Variants in TBXAS1 observed in about 807,000 individuals in gnomAD.
TBXAS1 encodes the protein thromboxane A synthase 1, also known as thromboxane-A synthase.
TBXAS1 carries 48 observed loss-of-function variants against 60.7 expected under a neutral mutation model. That is an observed-to-expected ratio of 0.79 (90% CI 0.63 to 1.01). The LOEUF (loss-of-function observed/expected upper bound fraction) is 1.01. Ranked by LOEUF, TBXAS1 falls within the 50% of genes least tolerant of loss-of-function variation. The probability of loss-of-function intolerance (pLI) is 0.00; values close to 1 mark genes in which losing one functional copy is unlikely to be tolerated. For synonymous variants in TBXAS1, 287 were observed against 269.7 expected (o/e 1.06, Z -0.63); for missense variants, 685 against 686.3 (o/e 1.00, Z 0.02).
In TBXAS1 at chr7:139,975,569, T is replaced by C. The variant is rs1386017306; in HGVS notation, c.1134+13336T>C. Among the ~76,000 whole-genome samples, 2 of 151,982 alleles carry C rather than the reference T, an allele frequency of 1.3e-5. No individual in the cohort carries two copies. The highest frequency in any genetic ancestry group is 1.3e-4 in the Admixed American group (2 of 15,254). On this transcript the variant is annotated intron_variant, in intron 9 of 12. Coordinates refer to ENST00000448866, the MANE Select transcript of TBXAS1 (RefSeq NM_001061.7). The surrounding 1 kb of genome is among the most constrained non-coding windows in gnomAD (Gnocchi z 4.4). ...TTGAAGCTGTGTCTGCACTGCATCT[T>C]CACAGCACTGAGAAAATGCCAGTCA...
chr7:139,843,903 T>C (rs574773034), intron 1 of TBXAS1, among the ~76,000 whole-genome samples: 1 of 152,348 alleles, frequency 6.6e-6, no homozygotes, highest in South Asian at 2.1e-4. Flanking sequence ...ACACTAGTGG[T>C]AGTGTGTTCT....
chr7:139,830,283 A>G (rs999023704), intron 1 of TBXAS1, among the ~76,000 whole-genome samples: 1 of 152,218 alleles, frequency 6.6e-6, no homozygotes, highest in African/African-American at 2.4e-5. Context: ...TGGAAAAAAT[A>G]ATGGAGGACT....
chr7:139,872,672 G>A (rs1801910909), intron 2 of TBXAS1, among the ~76,000 whole-genome samples: 2 of 152,054 alleles, frequency 1.3e-5, no homozygotes, highest in Admixed American at 1.3e-4. Context: ...AAAATAAAAT[G>A]AAATAAAATA....
intron 8 of TBXAS1, among the ~76,000 whole-genome samples, chr7:139,958,928 G>C (rs1219465306): frequency 6.6e-6 from 1 of 152,166 alleles, no homozygotes; most frequent in African/African-American, 2.4e-5. Context: ...AGTGAGGCTG[G>C]AGCCAGGGGG....
intron 1 of TBXAS1, among the ~76,000 whole-genome samples, chr7:139,860,691 C>T (rs1800899827): frequency 6.6e-6 from 1 of 152,178 alleles, no homozygotes; most frequent in Admixed American, 6.5e-5. Context: ...GGGACACCCC[C>T]TGCCATCTCC....
intron 4 of TBXAS1, among the ~76,000 whole-genome samples, chr7:139,921,526 C>A (rs553793520): frequency 1.3e-5 from 2 of 152,128 alleles, no homozygotes; most frequent in South Asian, 4.2e-4. Context: ...AAGTGAGACC[C>A]CTGTCTCTAC....
At chr7:139,838,264 T>C (rs1421972685) in intron 1 of TBXAS1, among the ~76,000 whole-genome samples, 1 of 152,188 alleles carries the variant, frequency 6.6e-6, no homozygotes, top group African/African-American at 2.4e-5. Context: ...AGGGAAGTGT[T>C]TTCTGTTTCC....
rs948461047 is a variant in TBXAS1 at position 139,814,300 on chromosome 7, G to A, written c.-79-15012G>A. ...CTCACCCTCTCACTCAGTTTTTCTG[G>A]GAAAATTAGCTGGCATGATACATTT... On this transcript the variant is annotated intron_variant, in intron 4 of 16. Coordinates refer to the TBXAS1 transcript ENST00000336425. Among the ~76,000 whole-genome samples, 6 of 152,264 alleles carry A rather than the reference G, an allele frequency of 3.9e-5. No individual in the cohort carries two copies. In the East Asian group the frequency reaches 1.2e-3, roughly 29 times the overall value.
intron 1 of TBXAS1, among the ~76,000 whole-genome samples, chr7:139,779,666 C>T (rs1016156548): frequency 1.3e-5 from 2 of 152,178 alleles, no homozygotes; most frequent in African/African-American, 2.4e-5. Context: ...CCCAGGTCAT[C>T]CTAAATATTG....
chr7:139,879,084 TACTC>T (rs1307876374), intron 3 of TBXAS1, among the ~76,000 whole-genome samples: 1 of 152,208 alleles, frequency 6.6e-6, no homozygotes, highest in East Asian at 1.9e-4. Flanking sequence ...ATTGACTCCT[TACTC>T]AATTCCCCTC....
intron 1 of TBXAS1, among the ~76,000 whole-genome samples, chr7:139,860,537 T>A (rs1429672995): frequency 6.6e-6 from 1 of 152,204 alleles, no homozygotes; most frequent in Non-Finnish European, 1.5e-5. Flanking sequence ...AGGGGTTAAG[T>A]ATTCTGGATT....
At chr7:139,832,655 T>A (rs1798784539) in intron 1 of TBXAS1, among the ~76,000 whole-genome samples, 1 of 152,192 alleles carries the variant, frequency 6.6e-6, no homozygotes, top group African/African-American at 2.4e-5. Flanking sequence ...AGGCACATTG[T>A]CATCAGGTTA....
At chr7:139,972,392 A>T (rs1811268917) in intron 9 of TBXAS1, among the ~76,000 whole-genome samples, 1 of 152,202 alleles carries the variant, frequency 6.6e-6, no homozygotes, top group African/African-American at 2.4e-5. Context: ...TCAGCTCCAC[A>T]GGTGAAGCTC....
intron 1 of TBXAS1, among the ~76,000 whole-genome samples, chr7:139,850,147 A>G (rs1051397640): frequency 6.6e-6 from 1 of 152,178 alleles, no homozygotes; most frequent in African/African-American, 2.4e-5. Context: ...AGATAAAAAG[A>G]GACACTTGTC....
intron 9 of TBXAS1, among the ~76,000 whole-genome samples, chr7:139,991,008 A>C (rs998153097): frequency 6.6e-6 from 1 of 152,108 alleles, no homozygotes; most frequent in Non-Finnish European, 1.5e-5. Context: ...ATTCCTTAAG[A>C]TCCATGGCCA....
intron 1 of TBXAS1, among the ~76,000 whole-genome samples, chr7:139,836,753 G>C (rs998910516): frequency 6.6e-6 from 1 of 152,152 alleles, no homozygotes; most frequent in African/African-American, 2.4e-5. Context: ...CATTGGCTTA[G>C]GCAAGGATTT....
intron 1 of TBXAS1, among the ~76,000 whole-genome samples, chr7:139,839,041 C>A (rs1164670052): frequency 6.6e-6 from 1 of 152,102 alleles, no homozygotes; most frequent in African/African-American, 2.4e-5. Context: ...TAAGTCCTAG[C>A]GTATTTAATC....
Position 139,957,667 on chromosome 7 carries a change from G to C in TBXAS1, c.722G>C (p.Arg241Pro). The stretch of plus-strand genomic sequence containing the variant: ...CCATCCATAATGGTCCCACTGGCCC[G>C]GATTTTGCCCAATAAGAACCGAGAC... Reference protein sequence around the residue: ...SFPSIMVPLARILPNKNRDEL... With the variant: ...SFPSIMVPLAPILPNKNRDEL... The change falls in exon 8 of 13, where the codon CGG becomes CCG. Residue 241 changes from arginine to proline, a missense_variant. Coordinates refer to ENST00000448866, the MANE Select transcript of TBXAS1 (RefSeq NM_001061.7). The C allele has an allele frequency of 6.2e-7, 1 of 1,614,044 alleles. No homozygotes were observed. The highest frequency in any genetic ancestry group is 2.2e-5 in the East Asian group (1 of 44,878).
chr7:139,782,014 G>A (rs1169012608), intron 2 of TBXAS1, among the ~76,000 whole-genome samples: 6 of 151,666 alleles, frequency 4.0e-5, no homozygotes, highest in South Asian at 2.1e-4. Context: ...GGGCTAAGGA[G>A]GTACCAGAAA....
Sources: gnomAD v4.1 joint callset for allele counts (sites outside exome capture counted in the v4.1 genomes callset) on GRCh38, gnomAD v4.1.1 for gene constraint, Gnocchi (gnomAD v3.1) non-coding constraint, MANE v1.5 for transcripts, NCBI Gene and HGNC (gene_info 2026-07-23, HGNC 2026-07-21) for gene names.